The following RALB variants were observed in gnomAD, a reference collection of about 807,000 sequenced individuals.
RALB encodes the protein ras-related protein Ral-B.
A neutral mutation model predicts 21.3 loss-of-function variants in RALB; 16 were observed. That is an observed-to-expected ratio of 0.75 (90% CI 0.51 to 1.14). The LOEUF (loss-of-function observed/expected upper bound fraction) is 1.14, where lower values mean the gene tolerates loss of function less well. Among genes scored for constraint, RALB ranks in the 50% most tolerant of loss-of-function variants. The pLI, the probability that RALB is intolerant of heterozygous loss-of-function variation, is 0.00. For missense variants in RALB, 161 were observed against 256.2 expected, an observed-to-expected ratio of 0.63 and a Z score of 2.54; for synonymous variants, 93 against 96.1, an observed-to-expected ratio of 0.97 and a Z score of 0.19.
intron 1 of RALB, among the ~76,000 whole-genome samples, chr2:120,274,064 C>G (rs1386299018): frequency 6.6e-6 from 1 of 152,190 alleles, no homozygotes; most frequent in East Asian, 1.9e-4. Context: ...GGATCCCCCC[C>G]AACCTGGAAA....
At chr2:120,255,625 A>G (rs1038558931) in intron 1 of RALB, among the ~76,000 whole-genome samples, 6 of 152,256 alleles carry the variant, frequency 3.9e-5, no homozygotes, top group African/African-American at 1.4e-4. Context: ...GTGGAAAGAA[A>G]GATGAAGAGG....
chr2:120,278,537 T>C, intron 1 of RALB, 81 bp from the exon 2 acceptor site: 2 of 1,272,132 alleles, frequency 1.6e-6, no homozygotes, highest in Non-Finnish European at 2.1e-6. Context: ...AGTTAGGCTT[T>C]AATGGAGGAT....
chr2:120,258,829 C>G (rs972902030), intron 1 of RALB, among the ~76,000 whole-genome samples: 5 of 152,198 alleles, frequency 3.3e-5, no homozygotes, highest in Non-Finnish European at 7.3e-5. Context: ...TTGGTGGGTT[C>G]TTGGGCTCAC....
At chr2:120,267,894 C>T (rs1689542029) in intron 1 of RALB, among the ~76,000 whole-genome samples, 2 of 152,170 alleles carry the variant, frequency 1.3e-5, no homozygotes, top group African/African-American at 2.4e-5. Flanking sequence ...TGGGTTCAAG[C>T]GATTCTCCTG....
chr2:120,265,441 T>C (rs377502115), intron 1 of RALB, among the ~76,000 whole-genome samples: 167 of 152,382 alleles, frequency 1.1e-3, no homozygotes, highest in African/African-American at 3.8e-3. Context: ...ATTTGGTGCA[T>C]GACTGTATAA....
At chr2:120,265,248 G>A (rs1243878844) in intron 1 of RALB, among the ~76,000 whole-genome samples, 3 of 152,234 alleles carry the variant, frequency 2.0e-5, no homozygotes, top group Non-Finnish European at 4.4e-5. Flanking sequence ...ACAGCCTTTT[G>A]CTCATGGGCT....
At chr2:120,263,260 C>T (rs1039568703) in intron 1 of RALB, among the ~76,000 whole-genome samples, 11 of 151,966 alleles carry the variant, frequency 7.2e-5, no homozygotes, top group African/African-American at 2.2e-4. Context: ...CCTTGACCTC[C>T]CTGGGCTCAG....
intron 1 of RALB, among the ~76,000 whole-genome samples, chr2:120,265,209 T>TAG (rs976289845): frequency 6.6e-6 from 1 of 152,226 alleles, no homozygotes; most frequent in Non-Finnish European, 1.5e-5. Flanking sequence ...CTAGATGGTG[T>TAG]AGCTTACTAC....
upstream of RALB, chr2:120,252,780 G>C (rs1257197457): frequency 1.0e-6 from 1 of 985,346 alleles, no homozygotes; most frequent in Non-Finnish European, 1.2e-6. Flanking sequence ...GAGAGGGCAA[G>C]AACGGAAGCG....
intron 1 of RALB, among the ~76,000 whole-genome samples, chr2:120,247,773 T>C (rs967759637): frequency 6.6e-6 from 1 of 152,260 alleles, no homozygotes; most frequent in African/African-American, 2.4e-5. Flanking sequence ...CCGCGACGCA[T>C]TGCCCTTACC....
intron 1 of RALB, among the ~76,000 whole-genome samples, chr2:120,277,420 T>C (rs949256594): frequency 3.5e-5 from 5 of 144,290 alleles, no homozygotes; most frequent in Non-Finnish European, 5.9e-5. Flanking sequence ...CGCATGTGCA[T>C]GTTAGAGCCT....
At chr2:120,278,829 T>C in intron 2 of RALB, 51 bp downstream of exon 2, 1 of 1,431,874 alleles carries the variant, frequency 7.0e-7, no homozygotes, top group Non-Finnish European at 9.3e-7. Context: ...GCCGTAGCAG[T>C]GTCCCTGCTC....
chr2:120,289,049 G>A (rs1295232641), intron 3 of RALB, among the ~76,000 whole-genome samples: 1 of 152,052 alleles, frequency 6.6e-6, no homozygotes, highest in African/African-American at 2.4e-5. Flanking sequence ...TCACTGCAGG[G>A]GGGAGAAACT....
At chr2:120,253,284 CT>C in intron 1 of RALB, 2 of 662,986 alleles carry the variant, frequency 3.0e-6, no homozygotes, top group Non-Finnish European at 1.9e-6. Flanking sequence ...TCTGCTTCCA[CT>C]TCCTGCCGCG....
intron 3 of RALB, among the ~76,000 whole-genome samples, chr2:120,286,306 A>G (rs888395814): frequency 3.9e-5 from 6 of 152,216 alleles, no homozygotes; most frequent in African/African-American, 1.4e-4. Flanking sequence ...TGATTTCTGA[A>G]TAAAATAATT....
chr2:120,275,083 G>A (rs897812932), intron 1 of RALB, among the ~76,000 whole-genome samples: 1 of 152,188 alleles, frequency 6.6e-6, no homozygotes, highest in Non-Finnish European at 1.5e-5. Flanking sequence ...AGTGTTGTGG[G>A]TATAGGTTTT....
chr2:120,256,291 G>C (rs1259961394), intron 1 of RALB, among the ~76,000 whole-genome samples: 1 of 152,196 alleles, frequency 6.6e-6, no homozygotes, highest in Admixed American at 6.5e-5. Flanking sequence ...TTTCTCCCCA[G>C]AGCAAGTGAT....
Position 120,268,918 on chromosome 2 carries a change from G to GT in RALB, c.-47-9697dup, listed in dbSNP as rs1237596552. ...ACTCTGTATCCTACAATAATTCTTT[G>GT]TTTATATATAAACAAACAATTTTTT... On this transcript the variant is annotated intron_variant, in intron 1 of 4. Coordinates refer to ENST00000272519, the MANE Select transcript of RALB (RefSeq NM_002881.3). Among the ~76,000 whole-genome samples the GT allele has an allele frequency of 7.0e-5, 9 of 129,132 alleles. No homozygotes were observed. In the East Asian group the frequency reaches 1.8e-3, roughly 26 times the overall value. 84.7% of individuals were successfully genotyped at this position (129,132 alleles called of 152,430 possible).
At chr2:120,286,504 A>C (rs1374684040) in intron 3 of RALB, among the ~76,000 whole-genome samples, 2 of 152,248 alleles carry the variant, frequency 1.3e-5, no homozygotes, top group Admixed American at 1.3e-4. Flanking sequence ...TGGAAAGTGA[A>C]AGATGGGAGT....
Sources: gnomAD v4.1 joint callset for allele counts (sites outside exome capture counted in the v4.1 genomes callset) on GRCh38, gnomAD v4.1.1 for gene constraint, MANE v1.5 for transcripts, NCBI Gene and HGNC (gene_info 2026-07-23, HGNC 2026-07-21) for gene names.